The following MAPK10 variants were observed in gnomAD, a reference collection of about 807,000 sequenced individuals.
The protein encoded by MAPK10 is mitogen-activated protein kinase 10, also known as JNK3 alpha protein kinase.
A neutral mutation model predicts 59.3 loss-of-function variants in MAPK10; 25 were observed. That is an observed-to-expected ratio of 0.42 (90% CI 0.31 to 0.59). The LOEUF (loss-of-function observed/expected upper bound fraction) is 0.59. MAPK10 is among the 20% of genes least tolerant of loss of function. The pLI, the probability that MAPK10 is intolerant of heterozygous loss-of-function variation, is 0.15. For missense variants in MAPK10, 351 were observed against 568.9 expected, an observed-to-expected ratio of 0.62 and a Z score of 3.90; for synonymous variants, 190 against 200.5, an observed-to-expected ratio of 0.95 and a Z score of 0.44.
chr4:86,138,860 G>A (rs969506088), intron 4 of MAPK10, among the ~76,000 whole-genome samples: 20 of 151,976 alleles, frequency 1.3e-4, no homozygotes, highest in African/African-American at 4.3e-4. Context: ...AAACCAATGT[G>A]CAAAAATCAC....
At chr4:86,177,007 A>G (rs988045750) in intron 3 of MAPK10, among the ~76,000 whole-genome samples, 3 of 152,150 alleles carry the variant, frequency 2.0e-5, no homozygotes, top group Admixed American at 6.6e-5. Flanking sequence ...TAAATAATAC[A>G]TAAGAAAGAA....
intron 1 of MAPK10, among the ~76,000 whole-genome samples, chr4:86,515,233 T>C (rs1288330436): frequency 6.6e-6 from 1 of 152,218 alleles, no homozygotes; most frequent in Admixed American, 6.5e-5. Flanking sequence ...ATCCACTCTT[T>C]GGTTGATAGG....
intron 4 of MAPK10, among the ~76,000 whole-genome samples, chr4:86,133,348 G>A (rs575329448): frequency 3.2e-4 from 48 of 152,242 alleles, no homozygotes; most frequent in Non-Finnish European, 4.4e-4. Context: ...GTATTTATCA[G>A]CTTTTTTACA....
intron 1 of MAPK10, among the ~76,000 whole-genome samples, chr4:86,555,183 C>T (rs896331461): frequency 6.6e-6 from 1 of 152,134 alleles, no homozygotes; most frequent in Non-Finnish European, 1.5e-5. Context: ...CACGGTGGCT[C>T]ATGCCTGTAA....
intron 11 of MAPK10, among the ~76,000 whole-genome samples, chr4:86,041,356 T>C (rs1489050168): frequency 6.6e-6 from 1 of 152,088 alleles, no homozygotes; most frequent in African/African-American, 2.4e-5. Flanking sequence ...GACTTAAATG[T>C]AAAACCCAAA....
At chr4:86,221,104 G>A (rs2089439400) in intron 2 of MAPK10, among the ~76,000 whole-genome samples, 1 of 152,202 alleles carries the variant, frequency 6.6e-6, no homozygotes, top group African/African-American at 2.4e-5. Flanking sequence ...CCATCAGTCA[G>A]GGACAGACAG....
chr4:86,207,985 T>C (rs1323691208), intron 2 of MAPK10, among the ~76,000 whole-genome samples: 2 of 151,954 alleles, frequency 1.3e-5, no homozygotes. Flanking sequence ...CAATTGAAAA[T>C]CTAGAAGAAA....
intron 1 of MAPK10, among the ~76,000 whole-genome samples, chr4:86,366,731 G>A (rs1737962975): frequency 6.6e-6 from 1 of 152,144 alleles, no homozygotes; most frequent in Non-Finnish European, 1.5e-5. Context: ...TTCAGTGCTA[G>A]GACTCGGATG....
chr4:86,092,912 A>G (rs537052614), intron 9 of MAPK10, among the ~76,000 whole-genome samples: 2 of 152,070 alleles, frequency 1.3e-5, no homozygotes, highest in Non-Finnish European at 2.9e-5. Flanking sequence ...AGGCAGATTC[A>G]CTTGCAACTG....
chr4:86,337,994 T>C (rs1722558471), intron 2 of MAPK10, among the ~76,000 whole-genome samples: 2 of 152,214 alleles, frequency 1.3e-5, no homozygotes, highest in Admixed American at 1.3e-4. Context: ...CGGCCTTCCT[T>C]GACTAAACTA....
At chr4:86,102,060 T>C in intron 6 of MAPK10, 28 bp from the exon 7 acceptor site, 1 of 1,609,374 alleles carries the variant, frequency 6.2e-7, no homozygotes, top group Non-Finnish European at 8.5e-7. Flanking sequence ...CAGTGTTAGT[T>C]CCAGATCACA....
intron 4 of MAPK10, among the ~76,000 whole-genome samples, chr4:86,117,019 T>C (rs942899725): frequency 4.6e-5 from 7 of 152,368 alleles, no homozygotes; most frequent in African/African-American, 1.7e-4. Flanking sequence ...TACAAATACA[T>C]TCAACTGTAC....
At chr4:86,221,144 T>C (rs1011866925) in intron 2 of MAPK10, among the ~76,000 whole-genome samples, 2 of 152,108 alleles carry the variant, frequency 1.3e-5, no homozygotes, top group African/African-American at 4.8e-5. Context: ...GAAATTAAAA[T>C]TCAGTGTGAA....
chr4:86,591,649 C>T (rs1763056497), intron 1 of MAPK10, among the ~76,000 whole-genome samples: 2 of 152,312 alleles, frequency 1.3e-5, no homozygotes, highest in South Asian at 4.1e-4. Context: ...GTTGGCATTA[C>T]AGGCATAAGC....
At chr4:86,466,735 G>T (rs1211042471) in intron 1 of MAPK10, among the ~76,000 whole-genome samples, 1 of 152,146 alleles carries the variant, frequency 6.6e-6, no homozygotes, top group Non-Finnish European at 1.5e-5. Flanking sequence ...AGCATGAAAA[G>T]CACACAGAAC....
intron 3 of MAPK10, among the ~76,000 whole-genome samples, chr4:86,174,285 A>G (rs1394206558): frequency 6.6e-6 from 1 of 152,384 alleles, no homozygotes; most frequent in East Asian, 1.9e-4. Context: ...AATACTACGC[A>G]GTCGTAAAGA....
chr4:86,594,057 C>A (rs1192838779), exon 1 of MAPK10: 2 of 152,278 alleles, frequency 1.3e-5, no homozygotes, highest in Non-Finnish European at 2.9e-5. Context: ...GCTCGGTCAC[C>A]AACCTGAGCC....
intron 1 of MAPK10, among the ~76,000 whole-genome samples, chr4:86,485,170 A>G (rs1269618329): frequency 6.6e-6 from 1 of 151,980 alleles, no homozygotes; most frequent in African/African-American, 2.4e-5. Flanking sequence ...TTCTTCCCCC[A>G]CTTAACCTTT....
intron 1 of MAPK10, among the ~76,000 whole-genome samples, chr4:86,574,368 G>A (rs998823464): frequency 2.6e-5 from 4 of 151,774 alleles, no homozygotes; most frequent in African/African-American, 4.8e-5. Context: ...ATAAACATAC[G>A]TGTGCATGTG....
Sources: gnomAD v4.1 joint callset for allele counts (sites outside exome capture counted in the v4.1 genomes callset) on GRCh38, gnomAD v4.1.1 for gene constraint, MANE v1.5 for transcripts, NCBI Gene and HGNC (gene_info 2026-07-23, HGNC 2026-07-21) for gene names.